Variants in PRKG1 observed in about 807,000 individuals in gnomAD.
The protein encoded by PRKG1 is protein kinase cGMP-dependent 1, also known as cGMP-dependent protein kinase 1.
PRKG1 carries 35 observed loss-of-function variants against 88.1 expected under a neutral mutation model. The observed-to-expected ratio is 0.40, with a 90% CI of 0.30 to 0.53. The LOEUF (loss-of-function observed/expected upper bound fraction) is 0.53. PRKG1 is among the 20% of genes least tolerant of loss of function. PRKG1 has a pLI of 0.59. For missense variants in PRKG1, 540 were observed against 839.8 expected (o/e 0.64, Z 4.41); for synonymous variants, 303 against 292.5 (o/e 1.04, Z -0.37).
At chr10:52,128,314 T>C in intron 7 of PRKG1, 1 of 985,434 alleles carries the variant, frequency 1.0e-6, no homozygotes, top group Non-Finnish European at 1.2e-6. Context: ...TGACAGCTAC[T>C]TTGTATCAAC....
At chr10:51,641,430 A>G (rs1839798362) in intron 3 of PRKG1, among the ~76,000 whole-genome samples, 1 of 152,172 alleles carries the variant, frequency 6.6e-6, no homozygotes, top group Admixed American at 6.5e-5. Context: ...AAGGTAGTGG[A>G]TAATGATAAA....
At chr10:51,429,117 G>T (rs1838683339) in intron 2 of PRKG1, among the ~76,000 whole-genome samples, 2 of 152,176 alleles carry the variant, frequency 1.3e-5, no homozygotes, top group Admixed American at 1.3e-4. Context: ...CTGACACACA[G>T]ATCCATTGGG....
chr10:51,686,740 T>TTTTG (rs530290734), intron 3 of PRKG1, among the ~76,000 whole-genome samples: 9 of 152,122 alleles, frequency 5.9e-5, no homozygotes, highest in East Asian at 1.9e-4. Context: ...TTACAACCTT[T>TTTTG]TTTGTTTGTT....
chr10:52,034,151 G>A (rs77071709), intron 5 of PRKG1, among the ~76,000 whole-genome samples: 1,876 of 152,178 alleles, frequency 0.012, 16 homozygotes, highest in African/African-American at 0.027. Flanking sequence ...CCATCTGGGC[G>A]TACATGTGCA....
chr10:51,743,653 A>C (rs1173132154), intron 3 of PRKG1, among the ~76,000 whole-genome samples: 1 of 141,174 alleles, frequency 7.1e-6, no homozygotes. Flanking sequence ...TATATAATAT[A>C]AACTAAATAT....
chr10:51,829,917 G>A (rs1839962085), intron 4 of PRKG1, among the ~76,000 whole-genome samples: 2 of 152,084 alleles, frequency 1.3e-5, no homozygotes, highest in South Asian at 2.1e-4. Flanking sequence ...TTTTCAAATT[G>A]GTAAGAGCTG....
chr10:52,229,742 G>T (rs146085297), intron 9 of PRKG1, among the ~76,000 whole-genome samples: 1 of 152,148 alleles, frequency 6.6e-6, no homozygotes, highest in Non-Finnish European at 1.5e-5. Context: ...GAAGGTAAGC[G>T]TCTTGTGCTG....
At chr10:51,601,100 A>G (rs1321464554) in intron 3 of PRKG1, among the ~76,000 whole-genome samples, 1 of 152,090 alleles carries the variant, frequency 6.6e-6, no homozygotes, top group Non-Finnish European at 1.5e-5. Flanking sequence ...TTTTATTATA[A>G]TCTAATGTTA....
intron 5 of PRKG1, among the ~76,000 whole-genome samples, chr10:52,033,046 A>G (rs1275016468): frequency 6.6e-6 from 1 of 152,158 alleles, no homozygotes; most frequent in Non-Finnish European, 1.5e-5. Flanking sequence ...GCAGGGAGAG[A>G]GACTGGGTCT....
At chr10:51,973,564 T>G (rs1167381596) in intron 5 of PRKG1, among the ~76,000 whole-genome samples, 2 of 152,212 alleles carry the variant, frequency 1.3e-5, no homozygotes, top group African/African-American at 4.8e-5. Flanking sequence ...TCACTTGGTA[T>G]ATTAGTTGCA....
intron 2 of PRKG1, among the ~76,000 whole-genome samples, chr10:51,348,241 A>G (rs930956587): frequency 4.6e-5 from 7 of 152,300 alleles, no homozygotes; most frequent in Admixed American, 3.9e-4. Context: ...CTTACCTCCC[A>G]CACACACTCT....
intron 2 of PRKG1, among the ~76,000 whole-genome samples, chr10:51,399,281 G>A (rs1332726739): frequency 1.3e-5 from 2 of 152,042 alleles, no homozygotes; most frequent in African/African-American, 4.8e-5. Flanking sequence ...ATAGCATGCC[G>A]TGTTAATCAG....
intron 9 of PRKG1, among the ~76,000 whole-genome samples, chr10:52,225,698 T>C (rs913176248): frequency 1.3e-5 from 2 of 152,170 alleles, no homozygotes; most frequent in African/African-American, 4.8e-5. Flanking sequence ...TTCATTCTCC[T>C]ACATGTGGCT....
chr10:51,586,829 AAGT>A (rs1304172942), intron 3 of PRKG1, among the ~76,000 whole-genome samples: 1 of 152,138 alleles, frequency 6.6e-6, no homozygotes, highest in Non-Finnish European at 1.5e-5. Context: ...ATCTTAGAGG[AAGT>A]TAACGTATTT....
chr10:51,349,746 A>G (rs1192717135), intron 2 of PRKG1, among the ~76,000 whole-genome samples: 2 of 151,998 alleles, frequency 1.3e-5, no homozygotes, highest in African/African-American at 4.8e-5. Flanking sequence ...ACCTCAAGTG[A>G]TCTGGCTGCC....
chr10:51,382,525 G>A (rs1377513099), intron 2 of PRKG1, among the ~76,000 whole-genome samples: 1 of 152,112 alleles, frequency 6.6e-6, no homozygotes, highest in Non-Finnish European at 1.5e-5. Flanking sequence ...CTTATTATGT[G>A]ATCTGTACTC....
At position 51,672,077 on chromosome 10, in the gene PRKG1, T is replaced by C. The variant is rs564491642; in HGVS notation, c.593-132508T>C. The stretch of plus-strand genomic sequence containing the variant: ...TTGATTTTCTGTGGTTCTACTATGA[T>C]ATATATTTTTACATGTGGATTTCTT... On this transcript the variant is annotated intron_variant, in intron 3 of 17. Transcript: ENST00000373980. Among the ~76,000 whole-genome samples the C allele has an allele frequency of 5.9e-5, 9 of 152,278 alleles. No individual in the cohort carries two copies. The South Asian group carries it at 1.9e-3, about 32-fold the overall frequency.
rs2131975566 is a variant in PRKG1 at position 51,153,337 on chromosome 10, T to C, written c.478+7T>C. 2.5e-6 allele frequency: 4 copies of C among 1,591,624 alleles called. No individual in the cohort carries two copies. The highest frequency in any genetic ancestry group is 3.4e-6 in the Non-Finnish European group (4 of 1,167,336). On this transcript the variant is annotated splice_region_variant and intron_variant, in intron 2 of 17. Transcript: ENST00000373980. ...CTGGTGTATGTCATGGAAGGTACGGTTTGTAACTCCAATCCTCTGACATTC... is the reference window on the plus strand; with the variant it reads ...CTGGTGTATGTCATGGAAGGTACGGCTTGTAACTCCAATCCTCTGACATTC...
At chr10:52,262,473 G>A (rs1166773046) in intron 10 of PRKG1, among the ~76,000 whole-genome samples, 2 of 152,048 alleles carry the variant, frequency 1.3e-5, no homozygotes, top group African/African-American at 4.8e-5. Context: ...GTTTCACCAT[G>A]TTGGCCAGGC....
Sources: gnomAD v4.1 joint callset for allele counts (sites outside exome capture counted in the v4.1 genomes callset) on GRCh38, gnomAD v4.1.1 for gene constraint, MANE v1.5 for transcripts, NCBI Gene and HGNC (gene_info 2026-07-23, HGNC 2026-07-21) for gene names.